The following SPAG16 variants were observed in gnomAD, a reference collection of about 807,000 sequenced individuals.
SPAG16 encodes sperm associated antigen 16.
SPAG16 carries 86 observed loss-of-function variants against 80.4 expected under a neutral mutation model. The observed-to-expected ratio is 1.07, with a 90% confidence interval of 0.90 to 1.28. SPAG16 has a LOEUF of 1.28. Ranked by LOEUF, SPAG16 falls within the 50% of genes most tolerant of loss-of-function variation. SPAG16 has a pLI of 0.00. For synonymous variants in SPAG16, 294 were observed against 265.9 expected, an observed-to-expected ratio of 1.11 and a Z score of -1.03; for missense variants, 870 against 765.3, an observed-to-expected ratio of 1.14 and a Z score of -1.61.
chr2:214,130,830 C>T (rs1192429001), intron 14 of SPAG16, among the ~76,000 whole-genome samples: 1 of 152,120 alleles, frequency 6.6e-6, no homozygotes. Context: ...GGCTCACTGC[C>T]AGAGGGAGAA....
rs566086900 is a variant in SPAG16 at position 213,828,817 on chromosome 2, G to T, written c.1071-33668G>T. ...GTATCACCTTGGTGGTCTTGGATAA[G>T]ATTCAAAAGAATGATCTGGATTGCC... On this transcript the variant is annotated intron_variant, in intron 10 of 15. Transcript: ENST00000331683. 1.2e-3 allele frequency among the ~76,000 whole-genome samples: 179 copies of T among 152,296 alleles called. 1 individual carries two copies. The highest frequency in any genetic ancestry group is 4.2e-3 in the African/African-American group (174 of 41,574).
At chr2:214,373,456 G>A (rs1699935402) in intron 15 of SPAG16, among the ~76,000 whole-genome samples, 1 of 152,036 alleles carries the variant, frequency 6.6e-6, no homozygotes, top group African/African-American at 2.4e-5. Flanking sequence ...ATTTGTGTGT[G>A]GGATCAAAGG....
At chr2:213,834,808 G>C (rs1004484798) in intron 10 of SPAG16, among the ~76,000 whole-genome samples, 1 of 152,040 alleles carries the variant, frequency 6.6e-6, no homozygotes, top group Non-Finnish European at 1.5e-5. Flanking sequence ...AGAAAAAATT[G>C]TTATTTAAAT....
At chr2:213,729,971 C>G (rs2066953826) in intron 10 of SPAG16, among the ~76,000 whole-genome samples, 1 of 152,172 alleles carries the variant, frequency 6.6e-6, no homozygotes, top group Non-Finnish European at 1.5e-5. Context: ...ATGAGCAACT[C>G]TTTACGTGCA....
intron 10 of SPAG16, among the ~76,000 whole-genome samples, chr2:213,684,791 G>T (rs775862634): frequency 2.0e-4 from 30 of 152,172 alleles, no homozygotes; most frequent in Non-Finnish European, 3.5e-4. Flanking sequence ...TGTGTTCCCT[G>T]AACTCTGCAA....
chr2:214,076,527 G>A (rs1212922334), intron 13 of SPAG16, among the ~76,000 whole-genome samples: 21 of 91,742 alleles, frequency 2.3e-4, no homozygotes, highest in Admixed American at 2.1e-3. Context: ...GTGTGTGTGT[G>A]TGTGTGTGTG....
At chr2:214,233,861 T>A (rs1688880734) in intron 15 of SPAG16, among the ~76,000 whole-genome samples, 1 of 152,138 alleles carries the variant, frequency 6.6e-6, no homozygotes, top group Non-Finnish European at 1.5e-5. Context: ...GTATGCAGTT[T>A]TTTGTTCGAC....
chr2:214,407,081 A>AT (rs980258898), intron 15 of SPAG16, among the ~76,000 whole-genome samples: 4 of 152,046 alleles, frequency 2.6e-5, no homozygotes, highest in East Asian at 1.9e-4. Context: ...AAAGCAAGGC[A>AT]TTTTTTACAT....
At chr2:214,330,186 A>C (rs890045561) in intron 15 of SPAG16, among the ~76,000 whole-genome samples, 52 of 151,184 alleles carry the variant, frequency 3.4e-4, no homozygotes, top group African/African-American at 1.3e-3. Flanking sequence ...CTGAGGCAGG[A>C]GAATAGCTTG....
At chr2:213,751,927 G>T (rs1390951297) in intron 10 of SPAG16, among the ~76,000 whole-genome samples, 1 of 152,034 alleles carries the variant, frequency 6.6e-6, no homozygotes, top group Non-Finnish European at 1.5e-5. Flanking sequence ...TCTTGAGAGA[G>T]ACCACAAAAC....
chr2:213,658,781 G>T (rs1034734137), intron 10 of SPAG16, among the ~76,000 whole-genome samples: 1 of 152,202 alleles, frequency 6.6e-6, no homozygotes, highest in African/African-American at 2.4e-5. Context: ...GCTCACGCTT[G>T]TAATTCCAGC....
chr2:213,998,838 G>A (rs2046653370), intron 12 of SPAG16, among the ~76,000 whole-genome samples: 2 of 152,194 alleles, frequency 1.3e-5, no homozygotes, highest in Non-Finnish European at 2.9e-5. Flanking sequence ...TTATGTTTTA[G>A]CAAAGAGACT....
chr2:213,726,435 C>T (rs1232392965), intron 10 of SPAG16, among the ~76,000 whole-genome samples: 3 of 152,180 alleles, frequency 2.0e-5, no homozygotes, highest in African/African-American at 4.8e-5. Context: ...ATCCAAAATA[C>T]TCAAAGCATA....
intron 15 of SPAG16, among the ~76,000 whole-genome samples, chr2:214,177,676 C>T (rs6761404): frequency 0.3 from 44,739 of 149,656 alleles, 8,352 homozygotes; most frequent in Non-Finnish European, 0.42. Flanking sequence ...ATTTGCTTTC[C>T]GTTGTACATT....
chr2:213,820,641 T>C (rs574351809), intron 10 of SPAG16, among the ~76,000 whole-genome samples: 4 of 152,268 alleles, frequency 2.6e-5, no homozygotes, highest in South Asian at 2.1e-4. Flanking sequence ...AATCTGTTAG[T>C]GACTGCAATA....
intron 15 of SPAG16, among the ~76,000 whole-genome samples, chr2:214,387,620 G>C (rs1332659737): frequency 6.6e-6 from 1 of 152,110 alleles, no homozygotes; most frequent in Non-Finnish European, 1.5e-5. Context: ...ACCAGAGACT[G>C]GGTAATTTAT....
intron 8 of SPAG16, among the ~76,000 whole-genome samples, chr2:213,367,135 G>C (rs960320197): frequency 2.4e-4 from 37 of 152,240 alleles, no homozygotes; most frequent in Non-Finnish European, 5.0e-4. Flanking sequence ...TTTTATGGTT[G>C]CATAGTATTC....
At chr2:213,796,609 T>C (rs2071046919) in intron 10 of SPAG16, among the ~76,000 whole-genome samples, 2 of 152,172 alleles carry the variant, frequency 1.3e-5, no homozygotes, top group South Asian at 4.1e-4. Flanking sequence ...TTTCCATTGC[T>C]TAGTGATGTC....
At chr2:213,779,826 G>A (rs1471707436) in intron 10 of SPAG16, among the ~76,000 whole-genome samples, 3 of 152,118 alleles carry the variant, frequency 2.0e-5, no homozygotes, top group African/African-American at 4.8e-5. Context: ...AAATTGAAAC[G>A]TGTTATTTTA....
Sources: allele counts gnomAD v4.1 joint callset (sites outside exome capture counted in the v4.1 genomes callset), GRCh38; gene constraint gnomAD v4.1.1; transcripts MANE v1.5; gene names NCBI Gene and HGNC (gene_info 2026-07-23, HGNC 2026-07-21).